Variants in ANXA4 observed in about 807,000 individuals in gnomAD.
ANXA4 encodes the protein 35-beta calcimedin.
In ANXA4, 39 loss-of-function variants were observed where a neutral mutation model predicts 49.8. The observed-to-expected ratio is 0.78, with a 90% CI of 0.61 to 1.02. The LOEUF is 1.02. Ranked by LOEUF, ANXA4 falls within the 50% of genes least tolerant of loss-of-function variation. The pLI is 0.00. For synonymous variants in ANXA4, 134 were observed against 152.5 expected (o/e 0.88, Z 0.89); for missense variants, 360 against 410.1 (o/e 0.88, Z 1.05).
intron 2 of ANXA4, among the ~76,000 whole-genome samples, chr2:69,672,012 A>G (rs1042766503): frequency 2.6e-5 from 4 of 152,232 alleles, no homozygotes; most frequent in African/African-American, 7.2e-5. Flanking sequence ...TTTACATCCT[A>G]GAAAAACTCT....
chr2:69,704,841 A>G (rs1238016164), intron 2 of ANXA4, among the ~76,000 whole-genome samples: 3 of 152,074 alleles, frequency 2.0e-5, no homozygotes, highest in Admixed American at 1.3e-4. Context: ...GATTCCTAAC[A>G]TTTCTTTTTG....
chr2:69,746,195 G>A (rs1275436150), intron 1 of ANXA4, among the ~76,000 whole-genome samples: 1 of 151,630 alleles, frequency 6.6e-6, no homozygotes, highest in East Asian at 2.0e-4. Context: ...TATTTTTAGT[G>A]GAGACGGGGT....
At chr2:69,700,868 T>G (rs1678309100) in intron 2 of ANXA4, among the ~76,000 whole-genome samples, 1 of 151,398 alleles carries the variant, frequency 6.6e-6, no homozygotes, top group South Asian at 2.1e-4. Context: ...ATGTATGTAT[T>G]TCTTTCTTTC....
intron 1 of ANXA4, among the ~76,000 whole-genome samples, chr2:69,749,171 G>A (rs1273263293): frequency 6.6e-6 from 1 of 152,196 alleles, no homozygotes; most frequent in Non-Finnish European, 1.5e-5. Context: ...TGTGACAAAA[G>A]TCCATCCAGG....
rs539412194 is a variant in ANXA4, at chr2:69,650,646, G to A, written n.482-2352G>A. 2.9e-4 allele frequency among the ~76,000 whole-genome samples: 44 copies of A among 152,218 alleles called. No individual in the cohort carries two copies. In the South Asian group the frequency reaches 8.5e-3, roughly 29 times the overall value. ...TTTCTTAATTTTTTGTAGAGACAGG[G>A]TGTTTCTATGTTGCCTAGTCTGATC... On this transcript the variant is annotated intron_variant and non_coding_transcript_variant, in intron 1 of 3. Transcript: ENST00000418066.
At chr2:69,729,214 G>A (rs946642969) in intron 3 of ANXA4, among the ~76,000 whole-genome samples, 12 of 152,044 alleles carry the variant, frequency 7.9e-5, no homozygotes, top group African/African-American at 2.2e-4. Flanking sequence ...GAATTTCACC[G>A]TGTTGGCCAG....
chr2:69,812,893 A>T (rs1673771716), intron 8 of ANXA4, among the ~76,000 whole-genome samples, 184 bp downstream of exon 8: 1 of 152,216 alleles, frequency 6.6e-6, no homozygotes, highest in Non-Finnish European at 1.5e-5. Flanking sequence ...GGGGCTGGAC[A>T]TCATTATATA....
At chr2:69,649,044 G>A (rs955243228) in intron 1 of ANXA4, among the ~76,000 whole-genome samples, 4 of 151,732 alleles carry the variant, frequency 2.6e-5, no homozygotes, top group Non-Finnish European at 5.9e-5. Context: ...GTGCCACCAC[G>A]CCTAGCTAAT....
intron 8 of ANXA4, 91 bp from the exon 9 acceptor site, chr2:69,816,010 C>T: frequency 2.0e-6 from 2 of 1,001,382 alleles, no homozygotes; most frequent in Non-Finnish European, 3.1e-6. Flanking sequence ...TAAAACTAAG[C>T]CAGCTCAGCT....
At chr2:69,770,811 C>T (rs762475877) in intron 1 of ANXA4, among the ~76,000 whole-genome samples, 8 of 151,998 alleles carry the variant, frequency 5.3e-5, no homozygotes, top group Non-Finnish European at 1.2e-4. Flanking sequence ...AATACAGTGC[C>T]AGGCATGGTG....
chr2:69,679,864 T>A (rs1024829818), intron 2 of ANXA4, among the ~76,000 whole-genome samples: 1 of 152,208 alleles, frequency 6.6e-6, no homozygotes, highest in African/African-American at 2.4e-5. Flanking sequence ...TCTATGTGTC[T>A]GTTTTTATAC....
At chr2:69,734,594 T>C (rs966795853) in intron 3 of ANXA4, among the ~76,000 whole-genome samples, 3 of 152,124 alleles carry the variant, frequency 2.0e-5, no homozygotes, top group African/African-American at 7.2e-5. Context: ...TGGTCACCAG[T>C]CACCTCTAGA....
intron 1 of ANXA4, among the ~76,000 whole-genome samples, chr2:69,743,978 G>A (rs1157726009): frequency 1.3e-5 from 2 of 152,206 alleles, no homozygotes; most frequent in African/African-American, 4.8e-5. Context: ...TTGTTTTCCT[G>A]AGCTCATTTA....
intron 1 of ANXA4, among the ~76,000 whole-genome samples, chr2:69,749,071 G>A (rs1335110151): frequency 1.3e-5 from 2 of 152,118 alleles, no homozygotes; most frequent in African/African-American, 2.4e-5. Context: ...TAGGGAGGTG[G>A]CAACTGATGT....
intron 1 of ANXA4, among the ~76,000 whole-genome samples, chr2:69,745,555 G>C (rs1559135212): frequency 5.9e-5 from 9 of 151,914 alleles, no homozygotes; most frequent in Admixed American, 3.9e-4. Flanking sequence ...TTTTGAGACA[G>C]AGTCTTTCTC....
At chr2:69,807,373 C>T (rs1673486154) in intron 5 of ANXA4, among the ~76,000 whole-genome samples, 1 of 152,152 alleles carries the variant, frequency 6.6e-6, no homozygotes, top group South Asian at 2.1e-4. Context: ...TGTGCCCTAG[C>T]CTGGTCTGCC....
At chr2:69,802,915 G>A (rs973567226) in intron 3 of ANXA4, among the ~76,000 whole-genome samples, 6 of 151,754 alleles carry the variant, frequency 4.0e-5, no homozygotes, top group African/African-American at 1.5e-4. Context: ...ATAGGAACAC[G>A]GCTGGGCATG....
chr2:69,698,864 A>G (rs1262689490), intron 2 of ANXA4, among the ~76,000 whole-genome samples: 3 of 152,190 alleles, frequency 2.0e-5, no homozygotes, highest in African/African-American at 7.2e-5. Flanking sequence ...TGTAATTTCA[A>G]TGAAGAGGGA....
chr2:69,781,326 A>G (rs1672189789), intron 1 of ANXA4, 194 bp from the exon 2 acceptor site: 1 of 597,432 alleles, frequency 1.7e-6, no homozygotes, highest in Non-Finnish European at 3.0e-6. Flanking sequence ...CCAGTGTGAT[A>G]AAGTTGACTT....
Sources: allele counts gnomAD v4.1 joint callset (sites outside exome capture counted in the v4.1 genomes callset), GRCh38; gene constraint gnomAD v4.1.1; transcripts MANE v1.5; gene names NCBI Gene and HGNC (gene_info 2026-07-23, HGNC 2026-07-21).